Variants in TBC1D4 observed in about 807,000 individuals in gnomAD.
TBC1D4 encodes TBC (Tre-2, BUB2, CDC16) domain-containing protein.
A neutral mutation model predicts 142.5 loss-of-function variants in TBC1D4; 121 were observed. That is an observed-to-expected ratio of 0.85 (90% confidence interval 0.73 to 0.99). TBC1D4 has a LOEUF of 0.99. Ranked by LOEUF, TBC1D4 falls within the 50% of genes least tolerant of loss-of-function variation. The pLI is 0.00. For synonymous variants in TBC1D4, 630 were observed against 628.2 expected (o/e 1.00, Z -0.04); for missense variants, 1,475 against 1,606.6 (o/e 0.92, Z 1.40).
intron 1 of TBC1D4, among the ~76,000 whole-genome samples, chr13:75,454,024 T>C (rs1294989431): frequency 1.0e-5 from 1 of 99,554 alleles, no homozygotes; most frequent in Non-Finnish European, 1.9e-5. Context: ...AATAAATCTC[T>C]ATTTTTTTTT....
At chr13:75,412,461 G>T (rs988177758) in intron 1 of TBC1D4, among the ~76,000 whole-genome samples, 1 of 151,918 alleles carries the variant, frequency 6.6e-6, no homozygotes, top group African/African-American at 2.4e-5. Flanking sequence ...CACACACACG[G>T]TTATTTTTTT....
chr13:75,389,088 T>G (rs978112340), intron 1 of TBC1D4, among the ~76,000 whole-genome samples: 1 of 152,262 alleles, frequency 6.6e-6, no homozygotes, highest in African/African-American at 2.4e-5. Context: ...CTCACTAAAA[T>G]AGTAGCTATT....
chr13:75,340,995 G>C, intron 7 of TBC1D4, 130 bp downstream of exon 7: 2 of 774,444 alleles, frequency 2.6e-6, no homozygotes, highest in Non-Finnish European at 4.6e-6. Flanking sequence ...TGCTGGGCGG[G>C]GGAGTGAGGG....
intron 1 of TBC1D4, among the ~76,000 whole-genome samples, chr13:75,428,588 T>A (rs1886471739): frequency 6.6e-6 from 1 of 152,226 alleles, no homozygotes; most frequent in South Asian, 2.1e-4. Flanking sequence ...TCACTCTATG[T>A]ACAGAATCAG....
At chr13:75,324,864 C>T (rs1879093570) in intron 10 of TBC1D4, among the ~76,000 whole-genome samples, 1 of 152,146 alleles carries the variant, frequency 6.6e-6, no homozygotes, top group Non-Finnish European at 1.5e-5. Context: ...TGGAAGTTAT[C>T]ATAATGCCTT....
chr13:75,346,453 C>T (rs1340010604), intron 5 of TBC1D4, among the ~76,000 whole-genome samples: 4 of 152,182 alleles, frequency 2.6e-5, no homozygotes, highest in Non-Finnish European at 5.9e-5. Flanking sequence ...CAGCTTCATC[C>T]ATGTCCCTGC....
chr13:75,314,963 G>C (rs1331398750), intron 12 of TBC1D4, among the ~76,000 whole-genome samples: 1 of 151,872 alleles, frequency 6.6e-6, no homozygotes, highest in African/African-American at 2.4e-5. Context: ...CTGGGCAACA[G>C]AGCGAGGCTC....
chr13:75,425,760 A>G, intron 1 of TBC1D4, among the ~76,000 whole-genome samples: 1 of 152,190 alleles, frequency 6.6e-6, no homozygotes, highest in African/African-American at 2.4e-5. Context: ...AATCTAAAAA[A>G]AATTAACTCA....
intron 1 of TBC1D4, among the ~76,000 whole-genome samples, chr13:75,404,831 G>A (rs968581493): frequency 6.6e-6 from 1 of 152,106 alleles, no homozygotes; most frequent in Admixed American, 6.6e-5. Flanking sequence ...TTGAACAAGA[G>A]TAGAACTATG....
At chr13:75,464,376 T>C (rs1343468675) in intron 1 of TBC1D4, among the ~76,000 whole-genome samples, 5 of 152,232 alleles carry the variant, frequency 3.3e-5, no homozygotes, top group Non-Finnish European at 7.3e-5. Context: ...GCCACAAACA[T>C]GAGCATGAGC....
intron 4 of TBC1D4, among the ~76,000 whole-genome samples, chr13:75,350,715 T>C (rs953571320): frequency 6.6e-6 from 1 of 152,186 alleles, no homozygotes; most frequent in African/African-American, 2.4e-5. Context: ...ATATAAATGA[T>C]TTCCATATAA....
intron 5 of TBC1D4, among the ~76,000 whole-genome samples, chr13:75,341,924 T>C (rs924062747): frequency 2.0e-5 from 3 of 152,258 alleles, no homozygotes; most frequent in African/African-American, 4.8e-5. Flanking sequence ...CATTCAGTAC[T>C]GCACAGTGGT....
At chr13:75,326,168 G>C (rs1368410084) in intron 10 of TBC1D4, 29 bp downstream of exon 10, 1 of 1,609,488 alleles carries the variant, frequency 6.2e-7, no homozygotes, top group Non-Finnish European at 8.5e-7. Context: ...TGAGAATCTA[G>C]GTCTCATTCT....
At chr13:75,305,933 T>A (rs1313076985) in intron 15 of TBC1D4, among the ~76,000 whole-genome samples, 1 of 152,128 alleles carries the variant, frequency 6.6e-6, no homozygotes, top group African/African-American at 2.4e-5. Context: ...TCTATACATA[T>A]AAATACATAC....
In TBC1D4 at chr13:75,326,365, G is replaced by C. The variant is rs778141798; in HGVS notation, c.1865C>G (p.Ala622Gly). The C allele has an allele frequency of 2.5e-6, 4 of 1,614,136 alleles. No individual in the cohort carries two copies. Among genetic ancestry groups the C allele is most frequent in the Non-Finnish European group, 3.4e-6 (4 of 1,180,026 alleles). ...ATCCTCTTCGGGAAACGTTTGCCAA[G>C]CTGAGGACGGTGGGGACGCTGGCGG... is the stretch of plus-strand genomic sequence containing the variant. ...GTPPASPPSSAWQTFPEEDSD... is the reference protein window; with the variant it reads ...GTPPASPPSSGWQTFPEEDSD... Residue 622 changes from alanine to glycine, a missense_variant, in exon 10 of 21, where the codon GCT becomes GGT. By Grantham distance (60) the Ala-to-Gly change is moderately conservative. Around this residue, in one of 2 missense-constraint regions of TBC1D4, gnomAD observed 1,227 missense variants for 1,267.7 expected, o/e 0.97. Transcript: ENST00000377636.
At chr13:75,462,914 A>G (rs1464064119) in intron 1 of TBC1D4, among the ~76,000 whole-genome samples, 1 of 152,098 alleles carries the variant, frequency 6.6e-6, no homozygotes, top group African/African-American at 2.4e-5. Context: ...GATTTCATCT[A>G]TTGGTATTAT....
At chr13:75,309,891 T>C (rs746728806) in intron 14 of TBC1D4, 51 bp downstream of exon 14, 1 of 1,591,540 alleles carries the variant, frequency 6.3e-7, no homozygotes, top group South Asian at 1.1e-5. Context: ...AGGTTTAACA[T>C]ACACCCTTCA....
At chr13:75,344,209 G>A (rs1880965757) in intron 5 of TBC1D4, among the ~76,000 whole-genome samples, 1 of 152,178 alleles carries the variant, frequency 6.6e-6, no homozygotes, top group African/African-American at 2.4e-5. Flanking sequence ...AACATATTAT[G>A]ATAATGATTC....
At chr13:75,375,240 T>C (rs979905134) in intron 1 of TBC1D4, among the ~76,000 whole-genome samples, 6 of 152,206 alleles carry the variant, frequency 3.9e-5, no homozygotes, top group Non-Finnish European at 5.9e-5. Flanking sequence ...GACAGAGTCC[T>C]AGTGGGGTCC....
Sources: gnomAD v4.1 joint callset for allele counts (sites outside exome capture counted in the v4.1 genomes callset) on GRCh38, gnomAD v4.1.1 for gene constraint, gnomAD v4.1.1 regional missense constraint, MANE v1.5 for transcripts, NCBI Gene and HGNC (gene_info 2026-07-23, HGNC 2026-07-21) for gene names.